The following COL6A5 variants were observed in gnomAD, a reference collection of about 807,000 sequenced individuals.
COL6A5 encodes collagen type VI alpha 5 chain.
COL6A5 carries 48 observed loss-of-function variants against 65.6 expected under a neutral mutation model. The observed-to-expected ratio is 0.73, with a 90% confidence interval of 0.58 to 0.93. The LOEUF (loss-of-function observed/expected upper bound fraction) is 0.93, where lower values mean the gene tolerates loss of function less well. Among genes scored for constraint, COL6A5 ranks in the 40% least tolerant of loss-of-function variants. The pLI is 0.00. For synonymous variants in COL6A5, 291 were observed against 322.8 expected (o/e 0.90, Z 1.05); for missense variants, 914 against 928.3 (o/e 0.98, Z 0.20).
At chr3:130,364,575 C>G (rs1055262530) in intron 1 of COL6A5, among the ~76,000 whole-genome samples, 1 of 152,168 alleles carries the variant, frequency 6.6e-6, no homozygotes, top group African/African-American at 2.4e-5. Context: ...TAGACAGAGG[C>G]TGCAGTAGTC....
intron 4 of COL6A5, 79 bp from the exon 37 acceptor site, chr3:130,455,376 A>G: frequency 2.6e-6 from 2 of 780,554 alleles, no homozygotes; most frequent in Non-Finnish European, 4.2e-6. Flanking sequence ...ATAATTAAAT[A>G]TGTTAAATGT....
intron 1 of COL6A5, among the ~76,000 whole-genome samples, chr3:130,351,335 C>G (rs929363560): frequency 2.0e-5 from 3 of 152,118 alleles, no homozygotes; most frequent in Admixed American, 2.0e-4. Flanking sequence ...AACTAAAGAG[C>G]CTCTGCACAG....
intron 10 of COL6A5, among the ~76,000 whole-genome samples, chr3:130,398,882 C>T (rs546532439): frequency 1.3e-3 from 198 of 152,322 alleles, no homozygotes; most frequent in African/African-American, 4.6e-3. Flanking sequence ...CCCTTTTCTG[C>T]TCTCTCAATA....
intron 4 of COL6A5, among the ~76,000 whole-genome samples, chr3:130,449,951 G>C (rs1403673234): frequency 6.6e-6 from 1 of 152,240 alleles, no homozygotes; most frequent in South Asian, 2.1e-4. Context: ...TAAAGGGCCA[G>C]TGACCCCCGT....
At chr3:130,389,021 G>T (rs1441768488) in exon 6 of COL6A5, 1 of 1,541,810 alleles carries the variant, frequency 6.5e-7, no homozygotes, top group African/African-American at 1.4e-5. Context: ...AATGCCAATA[G>T]ATCTCAGCTA....
chr3:130,358,062 G>A (rs1402593787), intron 1 of COL6A5, among the ~76,000 whole-genome samples: 6 of 151,948 alleles, frequency 3.9e-5, no homozygotes, highest in East Asian at 1.9e-4. Flanking sequence ...GGTGGCGGGC[G>A]CCTGTAGTCC....
chr3:130,461,446 T>C (rs1450501580), intron 5 of COL6A5, among the ~76,000 whole-genome samples: 1 of 152,150 alleles, frequency 6.6e-6, no homozygotes, highest in East Asian at 1.9e-4. Flanking sequence ...ATTTAATCTT[T>C]ATTAAATTAA....
upstream of COL6A5, among the ~76,000 whole-genome samples, chr3:130,427,212 A>G (rs991947546): frequency 1.3e-5 from 2 of 152,234 alleles, no homozygotes; most frequent in Admixed American, 1.3e-4. Context: ...AAATACATAC[A>G]TAGAAACAAG....
intron 1 of COL6A5, among the ~76,000 whole-genome samples, chr3:130,363,431 A>G (rs533905485): frequency 6.6e-6 from 1 of 152,298 alleles, no homozygotes; most frequent in South Asian, 2.1e-4. Context: ...TTCCCGAGCT[A>G]TGAACTTTAC....
At chr3:130,437,337 A>G (rs888610467) in intron 1 of COL6A5, among the ~76,000 whole-genome samples, 24 of 152,084 alleles carry the variant, frequency 1.6e-4, no homozygotes, top group Non-Finnish European at 3.5e-4. Context: ...TTTATAAAAA[A>G]TATATATCCA....
At position 130,422,814 on chromosome 3, in the gene COL6A5, T is replaced by A. The variant is rs779265478; in HGVS notation, c.5100+32T>A. On this transcript the variant is annotated intron_variant and NMD_transcript_variant, in intron 28 of 41. Transcript: ENST00000312481. ...AGCCTATAATTCCAGAAATGATAAA[T>A]ATTCCTTTGGCAGACTTTGGCTTTT... 5 of 1,328,976 alleles carry A rather than the reference T, an allele frequency of 3.8e-6. No individual in the cohort carries two copies. The South Asian group carries it at 7.1e-5, about 19-fold the overall frequency. The allele number at this position is 1,328,976 out of a possible 1,614,324, so 82.3% of individuals were successfully genotyped here. A position where few individuals can be genotyped will look rare whatever the true frequency, so the allele number is the denominator to read the frequency against.
At chr3:130,354,102 GAGAA>G (rs1401690495) in intron 1 of COL6A5, among the ~76,000 whole-genome samples, 3 of 150,974 alleles carry the variant, frequency 2.0e-5, no homozygotes, top group African/African-American at 4.9e-5. Flanking sequence ...AAAGAAGAAA[GAGAA>G]AGAAAGGGGA....
At chr3:130,376,970 C>T (rs1008843080) in intron 3 of COL6A5, 134 bp downstream of exon 3, 22 of 984,616 alleles carry the variant, frequency 2.2e-5, no homozygotes, top group Admixed American at 5.9e-5. Flanking sequence ...ACACATCATA[C>T]CTACTCGCTT....
Position 130,482,282 on chromosome 3 carries a change from C to T in COL6A5, c.2329-1753C>T, listed in dbSNP as rs186819773. Among the ~76,000 whole-genome samples the T allele has an allele frequency of 5.3e-5, 8 of 152,284 alleles. No homozygotes were observed. The East Asian group carries it at 1.3e-3, about 26-fold the overall frequency. On this transcript the variant is annotated intron_variant, in intron 7 of 7. Transcript: ENST00000512836. ...TGCATATGGCTAGCCAGTTTTCCAA[C>T]ACCATTTAACGAATAGGAGATCCTT...
intron 2 of COL6A5, among the ~76,000 whole-genome samples, chr3:130,374,548 G>A (rs1410918816): frequency 3.9e-5 from 6 of 151,926 alleles, no homozygotes; most frequent in African/African-American, 1.5e-4. Flanking sequence ...CTGCTCCCTC[G>A]GCTCAAGCAA....
intron 22 of COL6A5, 26 bp from the exon 23 acceptor site, chr3:130,415,619 T>C: frequency 6.5e-7 from 1 of 1,530,008 alleles, no homozygotes; most frequent in Non-Finnish European, 8.8e-7. Flanking sequence ...CATAATTGCA[T>C]TGTATTTCCT....
chr3:130,416,800 C>A (rs76864445), exon 24 of COL6A5: 24,701 of 1,524,646 alleles, frequency 0.016, 461 homozygotes, highest in East Asian at 0.1. Context: ...ACTGGAAGAC[C>A]TGGACTTTTG....
At chr3:130,362,284 T>C (rs4688878) in intron 1 of COL6A5, among the ~76,000 whole-genome samples, 114,770 of 116,458 alleles carry the variant, frequency 0.99, 56,606 homozygotes, top group East Asian at 1. Flanking sequence ...GTCTCTGTCT[T>C]TCTCCATATA....
At position 130,345,982 on chromosome 3, in the gene COL6A5, G is replaced by A. The variant is rs541798298; in HGVS notation, c.-29+1G>A. 2.5e-6 allele frequency: 1 copy of A among 398,608 alleles called. No homozygotes were observed. The highest frequency in any genetic ancestry group is 4.4e-6 in the Non-Finnish European group (1 of 226,168). The allele number at this position is 398,608 out of a possible 1,614,324, so 24.7% of individuals were successfully genotyped here. A position where few individuals can be genotyped will look rare whatever the true frequency, so the allele number is the denominator to read the frequency against. On this transcript the variant is annotated splice_donor_variant and NMD_transcript_variant, in intron 1 of 41. Coordinates refer to the COL6A5 transcript ENST00000312481. ...TGTCCCCTGACCCCGGGAAAGCTGG[G>A]TAAGTATGCGGTGCGGGGACTTGGG...
Sources: gnomAD v4.1 joint callset for allele counts (sites outside exome capture counted in the v4.1 genomes callset) on GRCh38, gnomAD v4.1.1 for gene constraint, MANE v1.5 for transcripts, NCBI Gene and HGNC (gene_info 2026-07-23, HGNC 2026-07-21) for gene names.